The following KLHL29 variants were observed in gnomAD, a reference collection of about 807,000 sequenced individuals.
KLHL29 encodes kelch-like protein 29.
A neutral mutation model predicts 80.4 loss-of-function variants in KLHL29; 21 were observed. That is an observed-to-expected ratio of 0.26 (90% CI 0.19 to 0.38). The LOEUF (loss-of-function observed/expected upper bound fraction) is 0.38. Among genes scored for constraint, KLHL29 ranks in the 10% least tolerant of loss-of-function variants. The probability of loss-of-function intolerance (pLI) is 1.00; values close to 1 mark genes in which losing one functional copy is unlikely to be tolerated. For synonymous variants in KLHL29, 511 were observed against 526.8 expected (o/e 0.97, Z 0.41); for missense variants, 867 against 1,223.9 (o/e 0.71, Z 4.35).
intron 3 of KLHL29, among the ~76,000 whole-genome samples, chr2:23,632,735 A>C (rs1344239198): frequency 6.6e-6 from 1 of 152,234 alleles, no homozygotes; most frequent in Non-Finnish European, 1.5e-5. Context: ...AAATGACAGC[A>C]TTCACCACCA....
chr2:23,679,676 G>C (rs1458458013), intron 5 of KLHL29, among the ~76,000 whole-genome samples: 1 of 147,434 alleles, frequency 6.8e-6, no homozygotes, highest in Non-Finnish European at 1.5e-5. Flanking sequence ...ATAAAACATA[G>C]TCTAGTGCAG....
intron 2 of KLHL29, among the ~76,000 whole-genome samples, chr2:23,526,510 C>T (rs1375848338): frequency 2.6e-5 from 4 of 152,118 alleles, no homozygotes; most frequent in South Asian, 2.1e-4. Flanking sequence ...GGTGTCTGGA[C>T]GAGATCCAGC....
chr2:23,603,510 AGTTGCTTTCCAG>A (rs1296323330), intron 3 of KLHL29, among the ~76,000 whole-genome samples: 1 of 152,216 alleles, frequency 6.6e-6, no homozygotes, highest in East Asian at 1.9e-4. Context: ...CTACCCAGCC[AGTTGCTTTCCAG>A]GTGGGGTCTG....
chr2:23,640,687 G>A (rs573517), intron 4 of KLHL29, among the ~76,000 whole-genome samples: 66,510 of 152,116 alleles, frequency 0.44, 14,841 homozygotes, highest in Middle Eastern at 0.54. Context: ...ATAAATATGC[G>A]TTGCACATGT....
At chr2:23,688,201 C>T (rs910484653) in intron 6 of KLHL29, among the ~76,000 whole-genome samples, 2 of 152,202 alleles carry the variant, frequency 1.3e-5, no homozygotes, top group Non-Finnish European at 2.9e-5. Flanking sequence ...CTGAGCCACA[C>T]AAATCCCCAA....
At chr2:23,448,748 T>A (rs1341542382) in intron 1 of KLHL29, among the ~76,000 whole-genome samples, 1 of 152,214 alleles carries the variant, frequency 6.6e-6, no homozygotes, top group Admixed American at 6.5e-5. Context: ...GCACCTGCAA[T>A]CTGCTTTTCA....
chr2:23,431,622 G>A (rs190548462), intron 1 of KLHL29, among the ~76,000 whole-genome samples: 56 of 152,216 alleles, frequency 3.7e-4, no homozygotes, highest in African/African-American at 1.3e-3. Context: ...GCCGGGCGCG[G>A]TGGCTCACGC....
intron 2 of KLHL29, among the ~76,000 whole-genome samples, chr2:23,561,888 G>A (rs975473424): frequency 1.3e-5 from 2 of 152,176 alleles, no homozygotes; most frequent in African/African-American, 4.8e-5. Flanking sequence ...AGATGTGGCA[G>A]AACAAACAGT....
rs1623027 is a variant in KLHL29 at position 23,503,367 on chromosome 2, C to A, written c.-46+27700C>A. On this transcript the variant is annotated intron_variant, in intron 2 of 13. Coordinates refer to ENST00000486442, the MANE Select transcript of KLHL29 (RefSeq NM_052920.2). This position sits in a 1 kb window ranked among gnomAD's most constrained non-coding sequence, Gnocchi z 4.0. Reference sequence around the variant, plus strand: ...GTCACTAAGGTCACTTGTAGCCTGACCTTCCATGGCTCTATAATTCTCTTT... The same window carrying A: ...GTCACTAAGGTCACTTGTAGCCTGAACTTCCATGGCTCTATAATTCTCTTT... Among the ~76,000 whole-genome samples, 4 of 152,008 alleles carry A rather than the reference C, an allele frequency of 2.6e-5. No individual in the cohort carries two copies. Among genetic ancestry groups the A allele is most frequent in the African/African-American group, 9.7e-5 (4 of 41,364 alleles).
intron 1 of KLHL29, among the ~76,000 whole-genome samples, chr2:23,433,377 C>T (rs1373301676): frequency 6.6e-6 from 1 of 152,266 alleles, no homozygotes; most frequent in South Asian, 2.1e-4. Context: ...ATTTTTCTGA[C>T]TTTACTGCAC....
At chr2:23,433,295 C>T (rs1663236128) in intron 1 of KLHL29, among the ~76,000 whole-genome samples, 1 of 152,222 alleles carries the variant, frequency 6.6e-6, no homozygotes, top group South Asian at 2.1e-4. Flanking sequence ...ACCAGTGCAC[C>T]TGAATTATGG....
At chr2:23,636,769 AGT>A (rs1330629845) in intron 3 of KLHL29, among the ~76,000 whole-genome samples, 2 of 152,174 alleles carry the variant, frequency 1.3e-5, no homozygotes, top group Admixed American at 6.5e-5. Context: ...GTGTTGGAAA[AGT>A]GTGAGATTTT....
In KLHL29 at chr2:23,671,051, G is replaced by A. The variant is rs192881921; in HGVS notation, c.941-13348G>A. Among the ~76,000 whole-genome samples, 29 of 50,506 alleles carry A rather than the reference G, an allele frequency of 5.7e-4. 6 individuals are homozygous for A. The East Asian group carries it at 0.11, about 194-fold the overall frequency. 33.1% of individuals were successfully genotyped at this position (50,506 alleles called of 152,430 possible). ...CCTAACCTCACATCCTCCCAGCTGT[G>A]ACTCCTCCCTGGATGGGATTCGCAG... On this transcript the variant is annotated intron_variant, in intron 5 of 13. Coordinates refer to ENST00000486442, the MANE Select transcript of KLHL29 (RefSeq NM_052920.2).
At chr2:23,602,291 C>T (rs1365371036) in intron 3 of KLHL29, among the ~76,000 whole-genome samples, 1 of 152,244 alleles carries the variant, frequency 6.6e-6, no homozygotes, top group Non-Finnish European at 1.5e-5. Context: ...CCCCCTGCCC[C>T]AGGGCCTGCC....
At chr2:23,456,292 C>T (rs1664048037) in intron 1 of KLHL29, among the ~76,000 whole-genome samples, 1 of 152,204 alleles carries the variant, frequency 6.6e-6, no homozygotes, top group African/African-American at 2.4e-5. Context: ...GCCCTGGGCC[C>T]TTGGTGCAAT....
intron 1 of KLHL29, among the ~76,000 whole-genome samples, chr2:23,434,523 G>C (rs1439576021): frequency 1.3e-5 from 2 of 152,098 alleles, no homozygotes; most frequent in Admixed American, 1.3e-4. Context: ...GTCAATTACA[G>C]TTCCATCGTG....
At chr2:23,525,570 A>G (rs978032931) in intron 2 of KLHL29, among the ~76,000 whole-genome samples, 1 of 152,126 alleles carries the variant, frequency 6.6e-6, no homozygotes, top group Admixed American at 6.5e-5. Flanking sequence ...AGGCAGTGGG[A>G]TGGAGCTAAG....
chr2:23,693,309 C>T lies in KLHL29; in HGVS notation c.1323C>T (p.Ala441=). 1 of 1,549,042 alleles carries T rather than the reference C, an allele frequency of 6.5e-7. No individual in the cohort carries two copies. Among genetic ancestry groups the T allele is most frequent in the Non-Finnish European group, 8.7e-7 (1 of 1,145,566 alleles). ...CCAGCAACTGCCTGGGCGTGCTGGCCATGGCCGAGGCCATGCAGTGCAGCG... is the reference window on the plus strand; with the variant it reads ...CCAGCAACTGCCTGGGCGTGCTGGCTATGGCCGAGGCCATGCAGTGCAGCG... ...LTASNCLGVL[A]MAEAMQCSEL... The change falls in exon 8 of 14, where the codon GCC becomes GCT. Residue 441 remains alanine, a synonymous_variant. Coordinates refer to ENST00000486442, the MANE Select transcript of KLHL29 (RefSeq NM_052920.2).
chr2:23,588,484 G>T (rs1161252954), intron 3 of KLHL29, among the ~76,000 whole-genome samples: 2 of 152,242 alleles, frequency 1.3e-5, no homozygotes, highest in East Asian at 1.9e-4. Context: ...CTTCCATGGG[G>T]TTTTCTCCAC....
Sources: gnomAD v4.1 joint callset for allele counts (sites outside exome capture counted in the v4.1 genomes callset) on GRCh38, gnomAD v4.1.1 for gene constraint, Gnocchi (gnomAD v3.1) non-coding constraint, MANE v1.5 for transcripts, NCBI Gene and HGNC (gene_info 2026-07-23, HGNC 2026-07-21) for gene names.